The following AGAP3 variants were observed in gnomAD, a reference collection of about 807,000 sequenced individuals.
AGAP3 encodes the protein arf-GAP with GTPase, ANK repeat and PH domain-containing protein 3.
Under a neutral mutation model 96.9 loss-of-function variants are expected in AGAP3, and 24 were observed. That is an observed-to-expected ratio of 0.25 (90% CI 0.18 to 0.35). The LOEUF (loss-of-function observed/expected upper bound fraction) is 0.35, where lower values mean the gene tolerates loss of function less well. Ranked by LOEUF, AGAP3 falls within the 10% of genes least tolerant of loss-of-function variation. The pLI, the probability that AGAP3 is intolerant of heterozygous loss-of-function variation, is 1.00. For missense variants in AGAP3, 876 were observed against 1,254.2 expected, an observed-to-expected ratio of 0.70 and a Z score of 4.55; for synonymous variants, 563 against 536.1, an observed-to-expected ratio of 1.05 and a Z score of -0.69.
chr7:151,128,417 G>T, intron 9 of AGAP3, 163 bp from the exon 10 acceptor site: 1 of 599,986 alleles, frequency 1.7e-6, no homozygotes, highest in Non-Finnish European at 3.0e-6. Context: ...TGGTCTAAGG[G>T]GCCTTCCCAA....
At position 151,142,424 on chromosome 7, in the gene AGAP3, C is replaced by T. The variant is rs773023378; in HGVS notation, c.2063C>T (p.Ala688Val). The T allele has an allele frequency of 6.2e-7, 1 of 1,613,626 alleles. No individual in the cohort carries two copies. Among genetic ancestry groups the T allele is most frequent in the African/African-American group, 1.3e-5 (1 of 74,922 alleles). ...TCTCCTTGCCTAGATCCAGACTGGG[C>T]CAGCCTGAACCTGGGTGCCCTGATG... ...IDCDAPNPDW[A>V]SLNLGALMCI... is the part of the protein sequence containing the mutation. The change falls in exon 16 of 18, where the codon GCC becomes GTC. Residue 688 changes from alanine to valine, a missense_variant. Ala to Val is a moderately conservative substitution (Grantham distance 64). This residue lies in a region of AGAP3 where 103 missense variants were observed against 183.0 expected (regional missense o/e 0.56). Coordinates refer to ENST00000397238, the MANE Select transcript of AGAP3 (RefSeq NM_031946.7). The surrounding 1 kb of genome is among the most constrained non-coding windows in gnomAD (Gnocchi z 7.5).
In AGAP3 at chr7:151,133,218, G is replaced by A. The variant is rs951125439; in HGVS notation, c.1327-1182G>A. Among the ~76,000 whole-genome samples the A allele has an allele frequency of 4.6e-5, 7 of 152,222 alleles. No individual in the cohort carries two copies. Among genetic ancestry groups the A allele is most frequent in the African/African-American group, 1.7e-4 (7 of 41,450 alleles). ...GGCATAGACCCATGGAGAGGAATTT[G>A]TGCCACTTTACCAAGGGCATTGGCT... On this transcript the variant is annotated intron_variant, in intron 10 of 17. Transcript: ENST00000397238. This position sits in a 1 kb window ranked among gnomAD's most constrained non-coding sequence, Gnocchi z 5.4.
chr7:151,113,676 T>C (rs12673943), intron 1 of AGAP3, among the ~76,000 whole-genome samples: 56,771 of 152,126 alleles, frequency 0.37, 11,357 homozygotes, highest in East Asian at 0.59. Context: ...GTGGCTGGTA[T>C]TGAGGCAGCC....
rs1800741995 is a variant in AGAP3 at position 151,139,572 on chromosome 7, A to G, written c.1667-407A>G. On this transcript the variant is annotated intron_variant, in intron 12 of 17. Transcript: ENST00000397238. This position sits in a 1 kb window ranked among gnomAD's most constrained non-coding sequence, Gnocchi z 4.9. Reference sequence around the variant, plus strand: ...TGATTAGCGCGCTCTAATTGACAGTAATTAGGCAGCTCCCTGATTGTTTCT... The same window carrying G: ...TGATTAGCGCGCTCTAATTGACAGTGATTAGGCAGCTCCCTGATTGTTTCT... 1 of 157,804 alleles carries G rather than the reference A, an allele frequency of 6.3e-6. No individual in the cohort carries two copies. Among genetic ancestry groups the G allele is most frequent in the African/African-American group, 2.4e-5 (1 of 41,674 alleles). The allele number at this position is 157,804 out of a possible 1,614,324, so 9.8% of individuals were successfully genotyped here.
Position 151,114,000 on chromosome 7 carries a change from A to G in AGAP3, c.332-2793A>G, listed in dbSNP as rs566473201. ...AGGGGCCTGGAGAGGTCCGGGCCTC[A>G]GAAGTGAGTCACTCACCCAGAACTG... On this transcript the variant is annotated intron_variant, in intron 1 of 17. Transcript: ENST00000397238. Among the ~76,000 whole-genome samples, 4 of 152,376 alleles carry G rather than the reference A, an allele frequency of 2.6e-5. No individual in the cohort carries two copies. In the South Asian group the frequency reaches 8.3e-4, roughly 32 times the overall value.
rs374060743 is a variant in AGAP3, at chr7:151,117,090, C to T, written c.391-5C>T. The T allele has an allele frequency of 2.2e-5, 35 of 1,613,306 alleles. No individual in the cohort carries two copies. In the East Asian group the frequency reaches 3.6e-4, roughly 16 times the overall value. ...CTGACCCACTCACCCCTTCCTCTCC[C>T]GCAGGGCATAGTGGGGAACCTGTCT... On this transcript the variant is annotated splice_polypyrimidine_tract_variant and splice_region_variant and intron_variant, in intron 2 of 17. Transcript: ENST00000397238.
chr7:151,117,907 C>T, intron 5 of AGAP3, 130 bp downstream of exon 5: 2 of 1,297,084 alleles, frequency 1.5e-6, no homozygotes, highest in Non-Finnish European at 2.1e-6. Context: ...CTGGGACCCT[C>T]AGCACTCTCC....
Position 151,139,320 on chromosome 7 carries a change from C to G in AGAP3, c.1667-659C>G, listed in dbSNP as rs1800731037. 6.6e-6 allele frequency among the ~76,000 whole-genome samples: 1 copy of G among 152,176 alleles called. No homozygotes were observed. Among genetic ancestry groups the G allele is most frequent in the Admixed American group, 6.5e-5 (1 of 15,288 alleles). ...GCCAGCACGGGGATCTGCCCCACCTCCCAATCCATGCCCAGCCCACCCCTG... is the reference window on the plus strand; with the variant it reads ...GCCAGCACGGGGATCTGCCCCACCTGCCAATCCATGCCCAGCCCACCCCTG... On this transcript the variant is annotated intron_variant, in intron 12 of 17. Transcript: ENST00000397238. This position sits in a 1 kb window ranked among gnomAD's most constrained non-coding sequence, Gnocchi z 4.9.
chr7:151,122,420 G>A, intron 8 of AGAP3, among the ~76,000 whole-genome samples: 1 of 152,218 alleles, frequency 6.6e-6, no homozygotes, highest in Non-Finnish European at 1.5e-5. Context: ...GGAGGGATGG[G>A]GCCTGGGCTG....
At chr7:151,091,959 G>A (rs368745412) in intron 1 of AGAP3, among the ~76,000 whole-genome samples, 7 of 152,192 alleles carry the variant, frequency 4.6e-5, no homozygotes, top group East Asian at 1.9e-4. Flanking sequence ...TGTGGCTCTC[G>A]GAACGGCAAG....
rs1800866421 is a variant in AGAP3 at position 151,142,673 on chromosome 7, G to A, written c.2273+39G>A. The A allele has an allele frequency of 1.3e-6, 2 of 1,588,224 alleles. No individual in the cohort carries two copies. Among genetic ancestry groups the A allele is most frequent in the South Asian group, 1.1e-5 (1 of 90,440 alleles). On this transcript the variant is annotated intron_variant, in intron 16 of 17. Transcript: ENST00000397238. This position sits in a 1 kb window ranked among gnomAD's most constrained non-coding sequence, Gnocchi z 7.5. ...GCCCTGGAGCTGGCCAGGAATGGGG[G>A]AAGCGTTGGGGGCTCCCAGCATGGG...
chr7:151,110,504 C>T (rs1400174276), intron 1 of AGAP3, among the ~76,000 whole-genome samples: 3 of 151,730 alleles, frequency 2.0e-5, no homozygotes, highest in Non-Finnish European at 4.4e-5. Flanking sequence ...CAGGAGCACA[C>T]GGGGCACTGG....
At chr7:151,087,992 C>T (rs1798229299) in intron 1 of AGAP3, among the ~76,000 whole-genome samples, 1 of 152,242 alleles carries the variant, frequency 6.6e-6, no homozygotes, top group Admixed American at 6.5e-5. Flanking sequence ...GCTTCCTCCC[C>T]CAGCTCTGTT....
chr7:151,144,173 G>A lies in AGAP3; in HGVS notation c.*230G>A. 2 of 582,850 alleles carry A rather than the reference G, an allele frequency of 3.4e-6. No homozygotes were observed. Among genetic ancestry groups the A allele is most frequent in the Non-Finnish European group, 6.0e-6 (2 of 332,054 alleles). The allele number at this position is 582,850 out of a possible 1,614,324, so 36.1% of individuals were successfully genotyped here. A position where few individuals can be genotyped will look rare whatever the true frequency, so the allele number is the denominator to read the frequency against. Reference sequence around the variant, plus strand: ...TCTGCCCTAAGGTGCCATTGAAAAGGGACAGGACCCTTCGGAGGTGCCTGT... The same window carrying A: ...TCTGCCCTAAGGTGCCATTGAAAAGAGACAGGACCCTTCGGAGGTGCCTGT... On this transcript the variant is annotated 3_prime_UTR_variant, in exon 18 of 18. Transcript: ENST00000397238.
At chr7:151,111,003 C>T (rs998454275) in intron 1 of AGAP3, among the ~76,000 whole-genome samples, 2 of 152,160 alleles carry the variant, frequency 1.3e-5, no homozygotes, top group Admixed American at 6.5e-5. Flanking sequence ...TGTGGCCCCA[C>T]TGGGGAGGCA....
chr7:151,143,819 C>G lies in AGAP3; in HGVS notation c.2612C>G (p.Ala871Gly), dbSNP rs1800917494. Residue 871 changes from alanine (A) to glycine (G), a missense_variant, in exon 18 of 18, where the codon GCA becomes GGA. By Grantham distance (60) the Ala-to-Gly change is moderately conservative. Coordinates refer to ENST00000397238, the MANE Select transcript of AGAP3 (RefSeq NM_031946.7). The surrounding 1 kb of genome is among the most constrained non-coding windows in gnomAD (Gnocchi z 5.9). ...CGCCGGGCCGGCAGCCAGGAGTGTG[C>G]AGACATCTTGATCCAGCATGGCTGC... ...YARRAGSQECADILIQHGCPG... is the reference protein window; with the variant it reads ...YARRAGSQECGDILIQHGCPG... 1.2e-6 allele frequency: 2 copies of G among 1,614,088 alleles called. No homozygotes were observed. Among genetic ancestry groups the G allele is most frequent in the Non-Finnish European group, 8.5e-7 (1 of 1,180,032 alleles).
chr7:151,128,987 G>T (rs929421362), intron 10 of AGAP3, among the ~76,000 whole-genome samples: 1 of 152,224 alleles, frequency 6.6e-6, no homozygotes, highest in Non-Finnish European at 1.5e-5. Context: ...CCCAGCAGTT[G>T]TGTTGAGCTG....
Position 151,143,390 on chromosome 7 carries a change from C to G in AGAP3, c.2323C>G (p.Leu775Val), listed in dbSNP as rs764616636. The change falls in exon 17 of 18, where the codon CTG becomes GTG. Residue 775 changes from leucine to valine, a missense_variant. Around this residue, in one of 8 missense-constraint regions of AGAP3, gnomAD observed 213 missense variants for 253.8 expected, o/e 0.84. Transcript: ENST00000397238. The surrounding 1 kb of genome is among the most constrained non-coding windows in gnomAD (Gnocchi z 5.9). Reference sequence around the variant, plus strand: ...GGCCAAGTATGAACAGAAGCTCTTCCTGGCCCCACTGCCAAGCTCAGATGT... The same window carrying G: ...GGCCAAGTATGAACAGAAGCTCTTCGTGGCCCCACTGCCAAGCTCAGATGT... ...IRAKYEQKLF[L>V]APLPSSDVPL... The G allele has an allele frequency of 1.2e-6, 2 of 1,614,078 alleles. No individual in the cohort carries two copies. Among genetic ancestry groups the G allele is most frequent in the African/African-American group, 2.7e-5 (2 of 74,922 alleles).
rs1262042885 is a variant in AGAP3, at chr7:151,096,040, G to A, written c.331+8968G>A. On this transcript the variant is annotated intron_variant, in intron 1 of 17. Transcript: ENST00000397238. The surrounding 1 kb of genome is among the most constrained non-coding windows in gnomAD (Gnocchi z 4.4). ...CTTAACCCCTCTGTGTCTTAGCTTCGCCATTGGTAAAACATGGGCATCCGT... is the reference window on the plus strand; with the variant it reads ...CTTAACCCCTCTGTGTCTTAGCTTCACCATTGGTAAAACATGGGCATCCGT... Among the ~76,000 whole-genome samples, 1 of 152,146 alleles carries A rather than the reference G, an allele frequency of 6.6e-6. No homozygotes were observed. The highest frequency in any genetic ancestry group is 6.5e-5 in the Admixed American group (1 of 15,276).
Sources: gnomAD v4.1 joint callset for allele counts (sites outside exome capture counted in the v4.1 genomes callset) on GRCh38, gnomAD v4.1.1 for gene constraint, gnomAD v4.1.1 regional missense constraint, Gnocchi (gnomAD v3.1) non-coding constraint, MANE v1.5 for transcripts, NCBI Gene and HGNC (gene_info 2026-07-23, HGNC 2026-07-21) for gene names.